The following AOPEP variants were observed in gnomAD, a reference collection of about 807,000 sequenced individuals.
AOPEP encodes aminopeptidase O (putative).
A neutral mutation model predicts 98.1 loss-of-function variants in AOPEP; 77 were observed. That is an observed-to-expected ratio of 0.78 (90% CI 0.65 to 0.95). AOPEP has a LOEUF of 0.95. Among genes scored for constraint, AOPEP ranks in the 40% least tolerant of loss-of-function variants. AOPEP has a pLI of 0.00. For missense variants in AOPEP, 1,024 were observed against 1,024.7 expected (o/e 1.00, Z 0.01); for synonymous variants, 346 against 365.3 (o/e 0.95, Z 0.60).
the AOPEP span, among the ~76,000 whole-genome samples, chr9:95,092,836 G>A: frequency 2.6e-5 from 4 of 152,280 alleles, no homozygotes; most frequent in East Asian, 3.9e-4. Flanking sequence ...CGCTCATGGC[G>A]AGCTCTGAAA....
chr9:95,014,733 T>G (rs1211369705), intron 13 of AOPEP, among the ~76,000 whole-genome samples: 1 of 152,224 alleles, frequency 6.6e-6, no homozygotes, highest in Admixed American at 6.5e-5. Flanking sequence ...CTTCTCACAC[T>G]CTTGCCTGTC....
At chr9:95,039,327 G>A (rs2065093247) in intron 13 of AOPEP, among the ~76,000 whole-genome samples, 1 of 152,082 alleles carries the variant, frequency 6.6e-6, no homozygotes, top group African/African-American at 2.4e-5. Flanking sequence ...AGCACTTTGG[G>A]AGGCTGAGGC....
At chr9:94,860,326 G>C (rs1445019651) in intron 5 of AOPEP, among the ~76,000 whole-genome samples, 1 of 151,976 alleles carries the variant, frequency 6.6e-6, no homozygotes, top group Non-Finnish European at 1.5e-5. Context: ...GTCAGACCAA[G>C]CAGGGCCTCA....
chr9:94,914,983 G>A lies in AOPEP; in HGVS notation c.1365-9003G>A, dbSNP rs182376928. On this transcript the variant is annotated intron_variant, in intron 5 of 16. Transcript: ENST00000375315. ...AAATTCAAATTTGAGTACGTGTGCTGTTTTCTTATCTAGCGGACCTACCTC... is the reference window on the plus strand; with the variant it reads ...AAATTCAAATTTGAGTACGTGTGCTATTTTCTTATCTAGCGGACCTACCTC... Among the ~76,000 whole-genome samples the A allele has an allele frequency of 4.8e-3, 732 of 152,304 alleles. 2 individuals are homozygous for A. The highest frequency in any genetic ancestry group is 0.017 in the African/African-American group (692 of 41,560).
At chr9:94,830,221 G>A (rs994264107) in intron 5 of AOPEP, among the ~76,000 whole-genome samples, 1 of 152,168 alleles carries the variant, frequency 6.6e-6, no homozygotes. Context: ...ACTCCAGTGT[G>A]TGTGGTTTCC....
chr9:94,944,498 G>C (rs148536337), intron 7 of AOPEP, among the ~76,000 whole-genome samples: 4 of 152,316 alleles, frequency 2.6e-5, no homozygotes, highest in African/African-American at 9.6e-5. Context: ...GCCACATACT[G>C]TATCATGTGA....
At chr9:95,044,709 C>G (rs908189916) in intron 13 of AOPEP, among the ~76,000 whole-genome samples, 8 of 152,122 alleles carry the variant, frequency 5.3e-5, no homozygotes, top group Admixed American at 2.0e-4. Context: ...GCATAGTGAC[C>G]TGCACACATA....
the AOPEP span, among the ~76,000 whole-genome samples, chr9:95,096,121 C>G: frequency 6.6e-6 from 1 of 152,112 alleles, no homozygotes; most frequent in Non-Finnish European, 1.5e-5. Flanking sequence ...CTCCAGATGC[C>G]GACGCTGGGA....
the AOPEP span, among the ~76,000 whole-genome samples, chr9:95,146,503 A>AAAT: frequency 1.3e-5 from 2 of 151,364 alleles, no homozygotes; most frequent in African/African-American, 2.4e-5. Flanking sequence ...AAAAAAAAAA[A>AAAT]AAAAAAAAAT....
chr9:94,938,325 A>G (rs552292997), intron 7 of AOPEP, among the ~76,000 whole-genome samples: 13 of 152,328 alleles, frequency 8.5e-5, no homozygotes, highest in South Asian at 8.3e-4. Flanking sequence ...TCTCATAGAC[A>G]TGATGTCTGT....
the AOPEP span, among the ~76,000 whole-genome samples, chr9:95,115,192 T>C: frequency 1.3e-5 from 2 of 152,224 alleles, no homozygotes. Flanking sequence ...TCCTCCCGCC[T>C]TGGCCTCCCA....
intron 1 of AOPEP, among the ~76,000 whole-genome samples, chr9:94,731,817 A>T (rs1830622213): frequency 3.6e-5 from 3 of 83,764 alleles, no homozygotes; most frequent in South Asian, 3.9e-4. Flanking sequence ...TTTTTTTGAG[A>T]CGGAGTTTCG....
In AOPEP at chr9:94,916,038, CG is replaced by C. The variant is rs200697336; in HGVS notation, c.1365-7945del. 5.3e-3 allele frequency among the ~76,000 whole-genome samples: 805 copies of C among 152,344 alleles called. 14 individuals are homozygous for C. Among genetic ancestry groups the C allele is most frequent in the East Asian group, 0.044 (228 of 5,186 alleles). On this transcript the variant is annotated intron_variant, in intron 5 of 16. Coordinates refer to ENST00000375315, the MANE Select transcript of AOPEP (RefSeq NM_001193329.3). The stretch of plus-strand genomic sequence containing the variant: ...CCCTCCAGGCCTCCACACCGCCACA[CG>C]GGACAGACTTGTGCTCGCTGTGAAA...
the AOPEP span, chr9:95,114,476 T>C: frequency 1.3e-6 from 1 of 768,274 alleles, no homozygotes; most frequent in Non-Finnish European, 2.3e-6. Context: ...AGCCATGCGC[T>C]TCCTCCACTT....
At chr9:95,024,227 A>G (rs150408349) in intron 13 of AOPEP, among the ~76,000 whole-genome samples, 3 of 152,300 alleles carry the variant, frequency 2.0e-5, no homozygotes, top group African/African-American at 7.2e-5. Context: ...GTTTATTTTA[A>G]ATGGAGAGTC....
intron 13 of AOPEP, among the ~76,000 whole-genome samples, chr9:95,046,632 A>G (rs1237107282): frequency 2.0e-5 from 3 of 152,206 alleles, no homozygotes; most frequent in Non-Finnish European, 4.4e-5. Context: ...AACGACTTCT[A>G]GACCTGGGAG....
chr9:94,998,216 A>G (rs970630992), intron 11 of AOPEP, among the ~76,000 whole-genome samples: 4 of 151,466 alleles, frequency 2.6e-5, no homozygotes, highest in African/African-American at 9.7e-5. Flanking sequence ...CAGTCACACT[A>G]GATGTTCCGT....
chr9:94,774,254 G>A (rs1321503202), intron 3 of AOPEP, among the ~76,000 whole-genome samples: 1 of 140,304 alleles, frequency 7.1e-6, no homozygotes, highest in Non-Finnish European at 1.5e-5. Context: ...GGAGCTTGCA[G>A]TGAGCTGAGA....
chr9:94,970,289 C>T (rs1319025231), intron 10 of AOPEP, among the ~76,000 whole-genome samples: 2 of 152,100 alleles, frequency 1.3e-5, no homozygotes, highest in African/African-American at 4.8e-5. Flanking sequence ...CCCCAGACAT[C>T]CACCCCTTCT....
Sources: gnomAD v4.1 joint callset for allele counts (sites outside exome capture counted in the v4.1 genomes callset) on GRCh38, gnomAD v4.1.1 for gene constraint, MANE v1.5 for transcripts, NCBI Gene and HGNC (gene_info 2026-07-23, HGNC 2026-07-21) for gene names.